SWT1: variants seen among roughly 807,000 people sequenced by gnomAD.
The protein encoded by SWT1 is transcriptional protein SWT1.
SWT1 carries 33 observed loss-of-function variants against 107.3 expected under a neutral mutation model. The ratio of observed to expected loss-of-function variants is 0.31; its 90% CI spans 0.23 to 0.41. The LOEUF (loss-of-function observed/expected upper bound fraction) is 0.41, where lower values mean the gene tolerates loss of function less well. SWT1 is among the 10% of genes least tolerant of loss of function. The pLI is 1.00. For missense variants in SWT1, 898 were observed against 1,028.9 expected (o/e 0.87, Z 1.74); for synonymous variants, 345 against 348.3 (o/e 0.99, Z 0.11).
At position 185,214,541 on chromosome 1, in the gene SWT1, C is replaced by T; in HGVS notation, c.2007C>T (p.Phe669=). The stretch of plus-strand genomic sequence containing the variant: ...CAGTGGATTTTACAACAGTCAAATT[C>T]TTGCTTCAGGATTCTAGAAGTTTGT... ...NKAVDFTTVK[F]LLQDSRSLLH... is the part of the protein sequence containing the mutation. Residue 669 remains phenylalanine, a synonymous_variant, in exon 14 of 19, where the codon TTC becomes TTT. Transcript: ENST00000367500. The T allele has an allele frequency of 1.2e-6, 2 of 1,610,276 alleles. No individual in the cohort carries two copies. The highest frequency in any genetic ancestry group is 8.5e-7 in the Non-Finnish European group (1 of 1,178,496).
intron 16 of SWT1, among the ~76,000 whole-genome samples, chr1:185,270,782 T>G (rs1663800927): frequency 6.6e-6 from 1 of 152,232 alleles, no homozygotes; most frequent in Non-Finnish European, 1.5e-5. Context: ...CAGTGTTATT[T>G]TCACAATTTA....
chr1:185,290,092 G>A (rs1478425368), intron 18 of SWT1, among the ~76,000 whole-genome samples: 1 of 151,640 alleles, frequency 6.6e-6, no homozygotes, highest in Non-Finnish European at 1.5e-5. Flanking sequence ...GTGAGACCCT[G>A]TCTCTACCAA....
At chr1:185,157,697 C>T (rs1206627652) in intron 1 of SWT1, 1 of 152,506 alleles carries the variant, frequency 6.6e-6, no homozygotes, top group Non-Finnish European at 1.5e-5. Flanking sequence ...TTTATTTTTG[C>T]TTTAGTCTTC....
chr1:185,168,964 A>G (rs191302338), intron 4 of SWT1, among the ~76,000 whole-genome samples: 9 of 152,306 alleles, frequency 5.9e-5, no homozygotes, highest in Admixed American at 5.2e-4. Flanking sequence ...TAAGTATACA[A>G]AGTTATAACG....
At chr1:185,223,757 C>CT (rs1339839118) in intron 15 of SWT1, among the ~76,000 whole-genome samples, 1 of 152,080 alleles carries the variant, frequency 6.6e-6, no homozygotes, top group Non-Finnish European at 1.5e-5. Flanking sequence ...GGCATTAGGC[C>CT]TAGTACCCAT....
At chr1:185,218,033 G>A (rs1558048977) in intron 14 of SWT1, among the ~76,000 whole-genome samples, 2 of 152,150 alleles carry the variant, frequency 1.3e-5, no homozygotes, top group African/African-American at 4.8e-5. Flanking sequence ...ACTAGTCCCA[G>A]TTGCCAAAAA....
At chr1:185,162,865 C>G (rs1288119092) in intron 2 of SWT1, among the ~76,000 whole-genome samples, 1 of 151,568 alleles carries the variant, frequency 6.6e-6, no homozygotes, top group Non-Finnish European at 1.5e-5. Flanking sequence ...GCGGGAGGAT[C>G]CCTTGAGCCC....
chr1:185,284,570 C>A (rs967996531), intron 18 of SWT1, among the ~76,000 whole-genome samples: 1 of 152,170 alleles, frequency 6.6e-6, no homozygotes, highest in Admixed American at 6.5e-5. Flanking sequence ...ACCCTCAGCC[C>A]TTGTTACAAG....
intron 15 of SWT1, among the ~76,000 whole-genome samples, chr1:185,223,098 G>A (rs1017065177): frequency 6.6e-6 from 1 of 152,116 alleles, no homozygotes; most frequent in Non-Finnish European, 1.5e-5. Flanking sequence ...ACGGTAGTTC[G>A]GTTTTTAATT....
At chr1:185,259,372 T>G (rs1416247139) in intron 16 of SWT1, among the ~76,000 whole-genome samples, 2 of 152,152 alleles carry the variant, frequency 1.3e-5, no homozygotes, top group Non-Finnish European at 2.9e-5. Flanking sequence ...AGGAAGAAAC[T>G]ACGTGGTCAT....
intron 13 of SWT1, among the ~76,000 whole-genome samples, chr1:185,209,910 C>T (rs1021721739): frequency 5.9e-5 from 9 of 151,732 alleles, no homozygotes; most frequent in Non-Finnish European, 7.4e-5. Flanking sequence ...TTTTAATGAT[C>T]GCCATTCTAA....
intron 5 of SWT1, among the ~76,000 whole-genome samples, chr1:185,177,524 A>G (rs1655669787): frequency 6.6e-6 from 1 of 152,170 alleles, no homozygotes. Flanking sequence ...TAGACACAGA[A>G]ACAGCAAGTA....
rs770884644 is a variant in SWT1 at position 185,190,680 on chromosome 1, A to T, written c.1523+38A>T. 6 of 1,206,966 alleles carry T rather than the reference A, an allele frequency of 5.0e-6. No individual in the cohort carries two copies. The African/African-American group carries it at 9.2e-5, about 19-fold the overall frequency. 74.8% of individuals were successfully genotyped at this position (1,206,966 alleles called of 1,614,324 possible). On this transcript the variant is annotated intron_variant, in intron 10 of 18. Transcript: ENST00000367500. Reference sequence around the variant, plus strand: ...GTCATTTGACTTTTTATTTTTAAAAAATAAACCAAATAATTTAAAAAAATC... The same window carrying T: ...GTCATTTGACTTTTTATTTTTAAAATATAAACCAAATAATTTAAAAAAATC...
intron 9 of SWT1, among the ~76,000 whole-genome samples, chr1:185,188,919 G>A (rs999830999): frequency 6.6e-6 from 1 of 152,042 alleles, no homozygotes; most frequent in African/African-American, 2.4e-5. Context: ...GGTAGTTTAT[G>A]GACTTGTGGG....
At chr1:185,266,278 A>G (rs1663381320) in intron 16 of SWT1, among the ~76,000 whole-genome samples, 1 of 152,082 alleles carries the variant, frequency 6.6e-6, no homozygotes. Context: ...GTTAGCCAGG[A>G]TGGTCTCGAT....
intron 14 of SWT1, among the ~76,000 whole-genome samples, chr1:185,216,961 A>AAG (rs1553257546): frequency 6.6e-6 from 1 of 151,480 alleles, no homozygotes; most frequent in Non-Finnish European, 1.5e-5. Flanking sequence ...CAAAAAAAAA[A>AAG]AAAAGAAAAG....
intron 7 of SWT1, among the ~76,000 whole-genome samples, chr1:185,182,732 T>A (rs1284679564): frequency 5.3e-5 from 8 of 151,676 alleles, no homozygotes; most frequent in Non-Finnish European, 5.9e-5. Context: ...TATTTATTGA[T>A]TTCTTATTCA....
intron 1 of SWT1, among the ~76,000 whole-genome samples, chr1:185,159,083 A>G (rs917560808): frequency 3.3e-5 from 5 of 152,234 alleles, no homozygotes; most frequent in African/African-American, 1.2e-4. Context: ...GACTTTCCCT[A>G]GAGTGAGCAG....
At chr1:185,202,238 T>G (rs943419390) in intron 10 of SWT1, among the ~76,000 whole-genome samples, 2 of 152,136 alleles carry the variant, frequency 1.3e-5, no homozygotes, top group Non-Finnish European at 2.9e-5. Flanking sequence ...CTGAGTAAAT[T>G]TGTACTTGTC....
Sources: gnomAD v4.1 joint callset for allele counts (sites outside exome capture counted in the v4.1 genomes callset) on GRCh38, gnomAD v4.1.1 for gene constraint, MANE v1.5 for transcripts, NCBI Gene and HGNC (gene_info 2026-07-23, HGNC 2026-07-21) for gene names.